MIB1: variants seen among roughly 807,000 people sequenced by gnomAD.
MIB1 encodes E3 ubiquitin-protein ligase MIB1.
Under a neutral mutation model 124.5 loss-of-function variants are expected in MIB1, and 278 were observed. The observed-to-expected ratio is 2.23, with a 90% CI of 2.02 to 2.47. The LOEUF is 2.47. Among genes scored for constraint, MIB1 ranks in the 30% most tolerant of loss-of-function variants. The pLI is 0.00. For missense variants in MIB1, 957 were observed against 1,254.4 expected (o/e 0.76, Z 3.58); for synonymous variants, 446 against 429.4 (o/e 1.04, Z -0.48).
At chr18:21,727,928 T>C (rs937123412) in intron 1 of MIB1, among the ~76,000 whole-genome samples, 7 of 152,188 alleles carry the variant, frequency 4.6e-5, no homozygotes, top group African/African-American at 1.7e-4. Context: ...ACTAAAGCCA[T>C]GTCCATCCCC....
chr18:21,816,607 A>C (rs546782046), intron 11 of MIB1, among the ~76,000 whole-genome samples: 33 of 152,352 alleles, frequency 2.2e-4, no homozygotes, highest in Non-Finnish European at 1.9e-4. Context: ...AAACTCAATA[A>C]TGATTTTTTA....
intron 1 of MIB1, among the ~76,000 whole-genome samples, chr18:21,724,725 AAAATAT>A (rs1218098808): frequency 1.6e-3 from 67 of 42,772 alleles, no homozygotes; most frequent in Non-Finnish European, 1.8e-3. Context: ...AAAAAAAAAA[AAAATAT>A]ATATATATAT....
intron 1 of MIB1, among the ~76,000 whole-genome samples, chr18:21,705,839 G>T (rs1308112224): frequency 2.0e-5 from 3 of 152,170 alleles, no homozygotes; most frequent in Non-Finnish European, 4.4e-5. Flanking sequence ...ATAATCTGTA[G>T]CGTAACAATT....
intron 1 of MIB1, among the ~76,000 whole-genome samples, chr18:21,711,734 C>T (rs571798217): frequency 6.6e-6 from 1 of 152,332 alleles, no homozygotes; most frequent in East Asian, 1.9e-4. Flanking sequence ...TGCTCTGTCA[C>T]TCAGGCTGGC....
intron 12 of MIB1, among the ~76,000 whole-genome samples, chr18:21,822,520 C>T (rs1312804217): frequency 2.0e-5 from 3 of 152,088 alleles, no homozygotes. Context: ...AGCTACATGC[C>T]TTCTTTATTC....
chr18:21,843,011 G>A, intron 13 of MIB1, 120 bp from the exon 14 acceptor site: 3 of 625,660 alleles, frequency 4.8e-6, no homozygotes, highest in Non-Finnish European at 7.9e-6. Flanking sequence ...CATTGCAGCA[G>A]CTGAAGGAGA....
At chr18:21,824,440 A>G (rs1184211479) in intron 12 of MIB1, among the ~76,000 whole-genome samples, 1 of 152,154 alleles carries the variant, frequency 6.6e-6, no homozygotes, top group Non-Finnish European at 1.5e-5. Context: ...TTTGGTGTTT[A>G]ATGCTTTCCT....
intron 12 of MIB1, chr18:21,829,049 T>C (rs1480858124): frequency 4.1e-6 from 2 of 484,074 alleles, no homozygotes; most frequent in Non-Finnish European, 8.6e-6. Context: ...GCATTGTATG[T>C]TCATATGGGT....
chr18:21,840,665 A>T (rs1317790673), intron 13 of MIB1, among the ~76,000 whole-genome samples: 610 of 2,654 alleles, frequency 0.23, 5 homozygotes, highest in African/African-American at 0.31. Context: ...ATATATATAT[A>T]TTTTTTTTTT....
chr18:21,810,975 A>C (rs1003827695), intron 10 of MIB1, among the ~76,000 whole-genome samples: 1 of 152,164 alleles, frequency 6.6e-6, no homozygotes, highest in Non-Finnish European at 1.5e-5. Context: ...ATATTTTCAA[A>C]TCATGTATCT....
At position 21,779,402 on chromosome 18, in the gene MIB1, A is replaced by G. The variant is rs200224144; in HGVS notation, c.704-79A>G. On this transcript the variant is annotated intron_variant, in intron 5 of 20. Transcript: ENST00000261537. The stretch of plus-strand genomic sequence containing the variant: ...TGGTACCTGAAACTAAAATATCTAC[A>G]TGTTATTTAAAGATAATGCAGCTGC... 180 of 1,109,602 alleles carry G rather than the reference A, an allele frequency of 1.6e-4. No individual in the cohort carries two copies. In the East Asian group the frequency reaches 4.2e-3, roughly 26 times the overall value. 68.7% of individuals were successfully genotyped at this position (1,109,602 alleles called of 1,614,324 possible).
At chr18:21,791,604 A>C (rs1415613380) in intron 7 of MIB1, 47 bp downstream of exon 7, 2 of 1,423,764 alleles carry the variant, frequency 1.4e-6, no homozygotes, top group African/African-American at 1.4e-5. Context: ...CAATATACTT[A>C]TGTCATTTTT....
rs554898183 is a variant in MIB1, at chr18:21,847,521, C to T, written c.2393+396C>T. On this transcript the variant is annotated intron_variant, in intron 16 of 20. Coordinates refer to ENST00000261537, the MANE Select transcript of MIB1 (RefSeq NM_020774.4). ...GTATTATTATTATTTTTTAAAAATA[C>T]GTCTTGCTGTGTTGCCCAGGTTGGG... Among the ~76,000 whole-genome samples, 30 of 152,178 alleles carry T rather than the reference C, an allele frequency of 2.0e-4. No individual in the cohort carries two copies. In the East Asian group the frequency reaches 4.6e-3, roughly 23 times the overall value.
intron 12 of MIB1, chr18:21,831,225 G>C (rs1225811458): frequency 6.7e-6 from 1 of 149,604 alleles, no homozygotes; most frequent in East Asian, 2.0e-4. Context: ...TGACTTCTTA[G>C]GAAATAGTCT....
At chr18:21,824,702 C>G (rs1175665655) in intron 12 of MIB1, among the ~76,000 whole-genome samples, 2 of 151,948 alleles carry the variant, frequency 1.3e-5, no homozygotes, top group East Asian at 1.9e-4. Flanking sequence ...GAATGATGTT[C>G]ATTTTGAAAT....
At chr18:21,750,777 C>T (rs763829394) in intron 1 of MIB1, among the ~76,000 whole-genome samples, 1 of 152,184 alleles carries the variant, frequency 6.6e-6, no homozygotes, top group Non-Finnish European at 1.5e-5. Flanking sequence ...TCCTGCCCCA[C>T]ACCTCTTACC....
At chr18:21,825,816 A>G in intron 12 of MIB1, 1 of 487,084 alleles carries the variant, frequency 2.1e-6, no homozygotes, top group Non-Finnish European at 4.3e-6. Flanking sequence ...CAAAACAGTT[A>G]AATGCTTTTC....
At position 21,768,623 on chromosome 18, in the gene MIB1, G is replaced by A. The variant is rs1313783412; in HGVS notation, c.402G>A (p.Arg134=). ...TGAAAATAAATAATTTTATTTTTAGGGTTCTGTTAGAGTCTCGTAGGAAAT... is the reference window on the plus strand; with the variant it reads ...TGAAAATAAATAATTTTATTTTTAGAGTTCTGTTAGAGTCTCGTAGGAAAT... The part of the protein sequence containing the change: ...FYRITTPGSE[R]VLLESRRKSK... Residue 134 remains arginine, a splice_region_variant and synonymous_variant, in exon 3 of 21, where the codon AGG becomes AGA. Coordinates refer to ENST00000261537, the MANE Select transcript of MIB1 (RefSeq NM_020774.4). The A allele has an allele frequency of 2.0e-6, 3 of 1,533,134 alleles. No homozygotes were observed. The highest frequency in any genetic ancestry group is 2.6e-6 in the Non-Finnish European group (3 of 1,135,740). 95.0% of individuals were successfully genotyped at this position (1,533,134 alleles called of 1,614,324 possible).
At chr18:21,731,053 C>T (rs568941584) in intron 1 of MIB1, among the ~76,000 whole-genome samples, 1 of 152,244 alleles carries the variant, frequency 6.6e-6, no homozygotes, top group Admixed American at 6.5e-5. Context: ...TTGTACTTAC[C>T]TTTCAACCCT....
Sources: gnomAD v4.1 joint callset for allele counts (sites outside exome capture counted in the v4.1 genomes callset) on GRCh38, gnomAD v4.1.1 for gene constraint, MANE v1.5 for transcripts, NCBI Gene and HGNC (gene_info 2026-07-23, HGNC 2026-07-21) for gene names.